The following MERTK variants were observed in gnomAD, a reference collection of about 807,000 sequenced individuals.
MERTK encodes tyrosine-protein kinase Mer.
A neutral mutation model predicts 99.3 loss-of-function variants in MERTK; 69 were observed. The observed-to-expected ratio is 0.70, with a 90% CI of 0.57 to 0.85. The LOEUF is 0.85. Ranked by LOEUF, MERTK falls within the 40% of genes least tolerant of loss-of-function variation. The probability of loss-of-function intolerance (pLI) is 0.00; values close to 1 mark genes in which losing one functional copy is unlikely to be tolerated. For synonymous variants in MERTK, 426 were observed against 467.6 expected, an observed-to-expected ratio of 0.91 and a Z score of 1.15; for missense variants, 1,125 against 1,249.4, an observed-to-expected ratio of 0.90 and a Z score of 1.50.
chr2:111,937,164 G>T (rs1684778759), intron 2 of MERTK, among the ~76,000 whole-genome samples: 1 of 152,070 alleles, frequency 6.6e-6, no homozygotes, highest in Admixed American at 6.6e-5. Flanking sequence ...TTAAGTTGGG[G>T]CCAGGCATGG....
chr2:111,910,610 G>GTGTGTGTGTATATATATATA (rs370882764), intron 1 of MERTK, among the ~76,000 whole-genome samples: 1 of 143,588 alleles, frequency 7.0e-6, no homozygotes, highest in African/African-American at 2.6e-5. Context: ...GTGTGTGTGT[G>GTGTGTGTGTATATATATATA]TATATATATA....
chr2:111,986,026 A>G (rs1676473087), intron 8 of MERTK, among the ~76,000 whole-genome samples: 2 of 152,142 alleles, frequency 1.3e-5, no homozygotes, highest in Admixed American at 6.5e-5. Context: ...CAAAACTGCC[A>G]TTTTCTGAAA....
Position 112,028,939 on chromosome 2 carries a change from T to C in MERTK, c.*75T>C, listed in dbSNP as rs1677526313. The C allele has an allele frequency of 6.2e-7, 1 of 1,602,730 alleles. No homozygotes were observed. The highest frequency in any genetic ancestry group is 8.5e-7 in the Non-Finnish European group (1 of 1,175,432). On this transcript the variant is annotated 3_prime_UTR_variant, in exon 19 of 19. Coordinates refer to ENST00000295408, the MANE Select transcript of MERTK (RefSeq NM_006343.3). ...AGGAGAATCCAATTGTACCTGATGT[T>C]TTTGGTATTTGTCTTCCTTACCAAG... is the stretch of plus-strand genomic sequence containing the variant.
intron 9 of MERTK, among the ~76,000 whole-genome samples, chr2:111,995,962 A>AC (rs1412854521): frequency 1.3e-5 from 2 of 152,062 alleles, no homozygotes; most frequent in African/African-American, 2.4e-5. Flanking sequence ...ACAAAACAAA[A>AC]CAAAACAAGA....
intron 8 of MERTK, among the ~76,000 whole-genome samples, chr2:111,992,752 AAAAAAAAAAAAAAAGAAAG>A (rs370014035): frequency 0.024 from 1,545 of 63,374 alleles, 30 homozygotes; most frequent in African/African-American, 0.13. Flanking sequence ...CTCCGTCTCA[AAAAAAAAAAAAAAAGAAAG>A]AAAAAAGAAA....
intron 8 of MERTK, among the ~76,000 whole-genome samples, chr2:111,989,486 A>AG (rs1254161289): frequency 1.3e-5 from 2 of 151,384 alleles, no homozygotes; most frequent in South Asian, 2.1e-4. Context: ...CCTCCCGAGT[A>AG]CTGGGACTAC....
Position 112,013,386 on chromosome 2 carries a change from C to T in MERTK, c.2079+3320C>T, listed in dbSNP as rs1247967796. 5 of 154,312 alleles carry T rather than the reference C, an allele frequency of 3.2e-5. No individual in the cohort carries two copies. The East Asian group carries it at 9.6e-4, about 30-fold the overall frequency. 9.6% of individuals were successfully genotyped at this position (154,312 alleles called of 1,614,324 possible). A position where few individuals can be genotyped will look rare whatever the true frequency, so the allele number is the denominator to read the frequency against. On this transcript the variant is annotated intron_variant, in intron 15 of 18. Coordinates refer to ENST00000295408, the MANE Select transcript of MERTK (RefSeq NM_006343.3). ...AAGTCTGTAAAAGGATAAAAAATTA[C>T]CCACAATTCCCAACACCTTAGTACA...
chr2:111,992,380 G>A (rs554085456), intron 8 of MERTK, among the ~76,000 whole-genome samples: 2 of 91,110 alleles, frequency 2.2e-5, no homozygotes, highest in East Asian at 2.1e-4. Flanking sequence ...CACCCAGGGC[G>A]GGCATGAAAG....
intron 13 of MERTK, among the ~76,000 whole-genome samples, chr2:112,005,328 T>C (rs1210244681): frequency 6.6e-6 from 1 of 152,204 alleles, no homozygotes; most frequent in Non-Finnish European, 1.5e-5. Flanking sequence ...TGCCTTGGCC[T>C]CCCAAAGTTC....
Position 111,942,461 on chromosome 2 carries a change from C to T in MERTK, c.483-2499C>T, listed in dbSNP as rs527822992. On this transcript the variant is annotated intron_variant, in intron 2 of 18. Coordinates refer to ENST00000295408, the MANE Select transcript of MERTK (RefSeq NM_006343.3). ...CTAGGCACAGAATTCTCCCATCTTTCTTCAGCCCTTCCTGTCACCATGATA... is the reference window on the plus strand; with the variant it reads ...CTAGGCACAGAATTCTCCCATCTTTTTTCAGCCCTTCCTGTCACCATGATA... Among the ~76,000 whole-genome samples the T allele has an allele frequency of 1.7e-4, 26 of 152,254 alleles. No individual in the cohort carries two copies. In the East Asian group the frequency reaches 4.6e-3, roughly 27 times the overall value.
At chr2:112,006,528 C>T (rs1453572309) in intron 13 of MERTK, among the ~76,000 whole-genome samples, 1 of 152,144 alleles carries the variant, frequency 6.6e-6, no homozygotes, top group Non-Finnish European at 1.5e-5. Context: ...TCCATAATTC[C>T]TATTAGGGAT....
chr2:112,028,572 T>G lies in MERTK; in HGVS notation c.2708T>G (p.Ile903Ser), dbSNP rs1677517403. 6.2e-7 allele frequency: 1 copy of G among 1,614,010 alleles called. No homozygotes were observed. Among genetic ancestry groups the G allele is most frequent in the Non-Finnish European group, 8.5e-7 (1 of 1,180,036 alleles). ...TTGAACATCGACCCTGACTCTATAA[T>G]TGCCTCCTGCACTCCCCGCGCTGCC... is the stretch of plus-strand genomic sequence containing the variant. The part of the protein sequence containing the change: ...LDLNIDPDSI[I>S]ASCTPRAAIS... Residue 903 changes from isoleucine to serine, a missense_variant, in exon 19 of 19, where the codon ATT (isoleucine) becomes AGT (serine). Coordinates refer to ENST00000295408, the MANE Select transcript of MERTK (RefSeq NM_006343.3).
rs371956016 is a variant in MERTK, at chr2:112,019,523, G to A, written c.2189+1G>A. 1.9e-6 allele frequency: 3 copies of A among 1,603,216 alleles called. No homozygotes were observed. The highest frequency in any genetic ancestry group is 2.6e-6 in the Non-Finnish European group (3 of 1,169,970). On this transcript the variant is annotated splice_donor_variant, in intron 16 of 18. Coordinates refer to ENST00000295408, the MANE Select transcript of MERTK (RefSeq NM_006343.3). LOFTEE classifies it high-confidence loss of function. ...GAGATTTAGCTGCTCGAAACTGCAT[G>A]TAAGAGTCCTCGGCTATCCTGGAAG...
chr2:111,910,290 A>G (rs1426230088), intron 1 of MERTK, among the ~76,000 whole-genome samples: 1 of 146,932 alleles, frequency 6.8e-6, no homozygotes. Context: ...TTTTTTTGAG[A>G]CAAAGTCTCG....
At chr2:111,916,731 A>C (rs1456049533) in intron 1 of MERTK, among the ~76,000 whole-genome samples, 1 of 152,014 alleles carries the variant, frequency 6.6e-6, no homozygotes, top group East Asian at 1.9e-4. Flanking sequence ...ATTCTGCTTG[A>C]GATCAGTTTT....
At chr2:111,924,629 C>T (rs1383527492) in intron 1 of MERTK, among the ~76,000 whole-genome samples, 1 of 152,192 alleles carries the variant, frequency 6.6e-6, no homozygotes, top group East Asian at 1.9e-4. Flanking sequence ...CTGAGCCTTG[C>T]TCTCCCTTGC....
intron 1 of MERTK, 61 bp from the exon 2 acceptor site, chr2:111,929,059 G>A: frequency 6.3e-7 from 1 of 1,595,236 alleles, no homozygotes; most frequent in Non-Finnish European, 8.6e-7. Flanking sequence ...AAGAAGTTGG[G>A]AACCTACTTG....
intron 1 of MERTK, among the ~76,000 whole-genome samples, chr2:111,905,433 C>T (rs1373393776): frequency 5.3e-4 from 45 of 85,250 alleles, no homozygotes; most frequent in African/African-American, 5.4e-4. Flanking sequence ...CTACACTGTT[C>T]TTTTTTTTTT....
intron 16 of MERTK, chr2:112,020,513 T>G: frequency 2.2e-6 from 1 of 460,546 alleles, no homozygotes; most frequent in East Asian, 7.0e-5. Context: ...TTCTTTCTTC[T>G]CCTCTTCCTT....
Sources: allele counts gnomAD v4.1 joint callset (sites outside exome capture counted in the v4.1 genomes callset), GRCh38; gene constraint gnomAD v4.1.1; transcripts MANE v1.5; gene names NCBI Gene and HGNC (gene_info 2026-07-23, HGNC 2026-07-21).